The following RPS6KA5 variants were observed in gnomAD, a reference collection of about 807,000 sequenced individuals.
The protein encoded by RPS6KA5 is ribosomal protein S6 kinase alpha-5.
Under a neutral mutation model 85.5 loss-of-function variants are expected in RPS6KA5, and 27 were observed. The ratio of observed to expected loss-of-function variants is 0.32; its 90% CI spans 0.23 to 0.44. RPS6KA5 has a LOEUF of 0.44. Among genes scored for constraint, RPS6KA5 ranks in the 20% least tolerant of loss-of-function variants. The pLI is 1.00. For missense variants in RPS6KA5, 811 were observed against 980.9 expected (o/e 0.83, Z 2.31); for synonymous variants, 334 against 348.2 (o/e 0.96, Z 0.46).
At position 90,859,245 on chromosome 14, in the gene RPS6KA5, A is replaced by G. The variant is rs1380886504; in HGVS notation, c.*12829T>C. The stretch of plus-strand genomic sequence containing the variant: ...TATGCCTGTATTTTATCAGACTGCA[A>G]GAAGAAAACATAACCATCTTAGAGG... On this transcript the variant is annotated 3_prime_UTR_variant, in exon 17 of 17. Coordinates refer to ENST00000614987, the MANE Select transcript of RPS6KA5 (RefSeq NM_004755.4). The G allele has an allele frequency of 2.0e-5, 3 of 152,202 alleles. No homozygotes were observed. Among genetic ancestry groups the G allele is most frequent in the Admixed American group, 2.0e-4 (3 of 15,284 alleles). 9.4% of individuals were successfully genotyped at this position (152,202 alleles called of 1,614,324 possible). A position where few individuals can be genotyped will look rare whatever the true frequency, so the allele number is the denominator to read the frequency against.
intron 7 of RPS6KA5, among the ~76,000 whole-genome samples, chr14:90,914,277 C>G (rs2035987463): frequency 6.8e-6 from 1 of 146,048 alleles, no homozygotes; most frequent in Admixed American, 6.9e-5. Flanking sequence ...TTCTGATGGA[C>G]CTTTTCCACA....
At chr14:90,883,838 T>A (rs1365067912) in intron 14 of RPS6KA5, among the ~76,000 whole-genome samples, 1 of 152,232 alleles carries the variant, frequency 6.6e-6, no homozygotes, top group Non-Finnish European at 1.5e-5. Flanking sequence ...ATAGGCTGTC[T>A]CTGTGCCGAG....
At chr14:90,906,440 G>A in intron 7 of RPS6KA5, 141 bp from the exon 8 acceptor site, 1 of 561,570 alleles carries the variant, frequency 1.8e-6, no homozygotes, top group Non-Finnish European at 2.9e-6. Flanking sequence ...CCTCAATACT[G>A]TTGAAAAAAT....
At chr14:90,945,544 T>G (rs1305658461) in intron 4 of RPS6KA5, among the ~76,000 whole-genome samples, 1 of 152,218 alleles carries the variant, frequency 6.6e-6, no homozygotes, top group African/African-American at 2.4e-5. Flanking sequence ...AAGATTAACA[T>G]TGCTGGCTTT....
chr14:90,969,138 AT>A (rs932524654), intron 3 of RPS6KA5, among the ~76,000 whole-genome samples: 3 of 152,196 alleles, frequency 2.0e-5, no homozygotes, highest in African/African-American at 7.2e-5. Flanking sequence ...AAACCAGTAA[AT>A]TTGTTTCTTA....
chr14:90,997,835 A>T (rs1424998137), intron 2 of RPS6KA5, among the ~76,000 whole-genome samples: 1 of 151,852 alleles, frequency 6.6e-6, no homozygotes, highest in Admixed American at 6.6e-5. Context: ...ACATAGTGAA[A>T]CCCCGTCTCT....
intron 1 of RPS6KA5, among the ~76,000 whole-genome samples, chr14:91,032,062 T>C (rs2042208026): frequency 6.6e-6 from 1 of 152,196 alleles, no homozygotes; most frequent in Non-Finnish European, 1.5e-5. Context: ...TAAACACCGT[T>C]CTCACCATTC....
At chr14:90,983,580 A>G (rs1939805448) in intron 2 of RPS6KA5, among the ~76,000 whole-genome samples, 1 of 151,742 alleles carries the variant, frequency 6.6e-6, no homozygotes. Flanking sequence ...CAGCCTGGGC[A>G]ACAGGGCAAA....
At chr14:90,889,395 A>G (rs1001232026) in intron 14 of RPS6KA5, among the ~76,000 whole-genome samples, 7 of 152,126 alleles carry the variant, frequency 4.6e-5, no homozygotes, top group African/African-American at 1.4e-4. Flanking sequence ...TCAAAGAAAC[A>G]CATGCAAATT....
chr14:90,931,699 A>G (rs138916061), intron 5 of RPS6KA5, among the ~76,000 whole-genome samples: 51 of 152,342 alleles, frequency 3.3e-4, no homozygotes, highest in African/African-American at 1.1e-3. Flanking sequence ...GTTGGTATCT[A>G]TAATACTTAA....
intron 2 of RPS6KA5, 141 bp from the exon 3 acceptor site, chr14:90,978,665 T>C (rs1433649676): frequency 9.9e-6 from 6 of 604,636 alleles, no homozygotes; most frequent in Non-Finnish European, 1.7e-5. Context: ...CAAATAGTTA[T>C]TTGATAGATT....
chr14:91,034,224 G>C (rs1399264832), intron 1 of RPS6KA5, among the ~76,000 whole-genome samples: 2 of 151,040 alleles, frequency 1.3e-5, no homozygotes, highest in Non-Finnish European at 2.9e-5. Flanking sequence ...AGAATAGCTT[G>C]AACCCGGGAG....
intron 3 of RPS6KA5, among the ~76,000 whole-genome samples, chr14:90,949,941 A>C (rs192948996): frequency 6.6e-6 from 1 of 152,308 alleles, no homozygotes; most frequent in Admixed American, 6.5e-5. Flanking sequence ...GACATCATAA[A>C]ATAAGTTATT....
At chr14:90,962,826 C>A (rs1005370673) in intron 3 of RPS6KA5, among the ~76,000 whole-genome samples, 3 of 152,136 alleles carry the variant, frequency 2.0e-5, no homozygotes, top group Non-Finnish European at 2.9e-5. Context: ...CATATATGTG[C>A]ATATTTTTCC....
At chr14:90,876,535 T>C (rs2033491481) in intron 14 of RPS6KA5, among the ~76,000 whole-genome samples, 1 of 152,258 alleles carries the variant, frequency 6.6e-6, no homozygotes, top group South Asian at 2.1e-4. Flanking sequence ...TAGCAGAGAT[T>C]GGATTTTAGA....
intron 3 of RPS6KA5, among the ~76,000 whole-genome samples, chr14:90,948,895 G>A (rs905864028): frequency 4.6e-5 from 7 of 152,130 alleles, no homozygotes; most frequent in African/African-American, 1.7e-4. Context: ...ATAAAAGAAT[G>A]AAATTGTTCA....
intron 1 of RPS6KA5, among the ~76,000 whole-genome samples, chr14:91,034,450 T>C (rs1318634826): frequency 6.6e-6 from 1 of 152,160 alleles, no homozygotes; most frequent in Non-Finnish European, 1.5e-5. Flanking sequence ...ATCAGTGCTC[T>C]GTGTCTAGCT....
Position 90,862,023 on chromosome 14 carries a change from G to C in RPS6KA5, c.*10051C>G, listed in dbSNP as rs543729273. ...AGCTGTAATCTTTAAGGTACTAAAT[G>C]AATTTCTAAAAATTACTAACGAACT... is the stretch of plus-strand genomic sequence containing the variant. On this transcript the variant is annotated 3_prime_UTR_variant, in exon 17 of 17. Coordinates refer to ENST00000614987, the MANE Select transcript of RPS6KA5 (RefSeq NM_004755.4). 6.6e-6 allele frequency: 1 copy of C among 151,870 alleles called. No homozygotes were observed. Among genetic ancestry groups the C allele is most frequent in the Non-Finnish European group, 1.5e-5 (1 of 67,958 alleles). 9.4% of individuals were successfully genotyped at this position (151,870 alleles called of 1,614,324 possible).
chr14:90,913,057 C>T (rs2035918974), intron 7 of RPS6KA5, among the ~76,000 whole-genome samples: 1 of 151,738 alleles, frequency 6.6e-6, no homozygotes, highest in Admixed American at 6.6e-5. Flanking sequence ...ATTACAGGCA[C>T]TCGCCACCAC....
Sources: gnomAD v4.1 joint callset for allele counts (sites outside exome capture counted in the v4.1 genomes callset) on GRCh38, gnomAD v4.1.1 for gene constraint, MANE v1.5 for transcripts, NCBI Gene and HGNC (gene_info 2026-07-23, HGNC 2026-07-21) for gene names.